AKIRIN2: variants seen among roughly 807,000 people sequenced by gnomAD.
AKIRIN2 encodes akirin-2.
A neutral mutation model predicts 29.3 loss-of-function variants in AKIRIN2; 6 were observed. The ratio of observed to expected loss-of-function variants is 0.20; its 90% CI spans 0.11 to 0.40. The LOEUF is 0.40. AKIRIN2 is among the 10% of genes least tolerant of loss of function. The pLI, the probability that AKIRIN2 is intolerant of heterozygous loss-of-function variation, is 1.00. For missense variants in AKIRIN2, 210 were observed against 276.1 expected, an observed-to-expected ratio of 0.76 and a Z score of 1.70; for synonymous variants, 128 against 117.5, an observed-to-expected ratio of 1.09 and a Z score of -0.58.
At chr6:87,689,249 C>T (rs1389300612) in intron 1 of AKIRIN2, among the ~76,000 whole-genome samples, 2 of 152,150 alleles carry the variant, frequency 1.3e-5, no homozygotes, top group Admixed American at 1.3e-4. Context: ...TGTCTATGAT[C>T]CCAGCACTTT....
At chr6:87,684,126 A>G (rs1771154696) in intron 1 of AKIRIN2, among the ~76,000 whole-genome samples, 1 of 152,158 alleles carries the variant, frequency 6.6e-6, no homozygotes, top group Admixed American at 6.5e-5. Flanking sequence ...CTTTTGTGTG[A>G]CTTATATACG....
chr6:87,685,006 C>T (rs1771166833), intron 1 of AKIRIN2, among the ~76,000 whole-genome samples: 1 of 152,184 alleles, frequency 6.6e-6, no homozygotes, highest in East Asian at 1.9e-4. Flanking sequence ...TATTACAGCT[C>T]CAGCTGTTCC....
chr6:87,701,653 A>C lies in AKIRIN2; in HGVS notation c.32T>G (p.Leu11Arg). 6.8e-7 allele frequency: 1 copy of C among 1,470,188 alleles called. No homozygotes were observed. Among genetic ancestry groups the C allele is most frequent in the Non-Finnish European group, 9.0e-7 (1 of 1,115,082 alleles). 91.1% of individuals were successfully genotyped at this position (1,470,188 alleles called of 1,614,324 possible). Residue 11 changes from leucine to arginine, a missense_variant, in exon 1 of 5, where the codon CTG becomes CGG. Leu to Arg is a moderately radical substitution (Grantham distance 102). Around this residue, in one of 2 missense-constraint regions of AKIRIN2, gnomAD observed 199 missense variants for 236.5 expected, o/e 0.84. Coordinates refer to ENST00000257787, the MANE Select transcript of AKIRIN2 (RefSeq NM_018064.4). ...CGGGCTCAACAGCGGGTCGAAATCCAGAGTCCTTTTCAGAGTGGCTCCGCA... is the reference window on the plus strand; with the variant it reads ...CGGGCTCAACAGCGGGTCGAAATCCCGAGTCCTTTTCAGAGTGGCTCCGCA... MACGATLKRT[L>R]DFDPLLSPAS...
Position 87,677,984 on chromosome 6 carries a change from C to A in AKIRIN2, c.380-17G>T. 1.3e-6 allele frequency: 2 copies of A among 1,596,522 alleles called. No individual in the cohort carries two copies. The highest frequency in any genetic ancestry group is 1.7e-5 in the Admixed American group (1 of 57,414). ...ATGAAGTCCCTATGTACAATGAGGA[C>A]AAAAAATAGCACCTGGTTTAGAGCC... is the stretch of plus-strand genomic sequence containing the variant. On this transcript the variant is annotated splice_polypyrimidine_tract_variant and intron_variant, in intron 2 of 4. Transcript: ENST00000257787.
intron 1 of AKIRIN2, among the ~76,000 whole-genome samples, chr6:87,687,352 G>A (rs1171547004): frequency 6.9e-6 from 1 of 144,448 alleles, no homozygotes; most frequent in East Asian, 2.1e-4. Context: ...AGACCAGCCT[G>A]ACCAACTCCA....
At chr6:87,676,596 A>AACACACACACACACACACACACACACAC (rs112353955) in intron 3 of AKIRIN2, among the ~76,000 whole-genome samples, 17 of 142,144 alleles carry the variant, frequency 1.2e-4, no homozygotes, top group East Asian at 1.0e-3. Flanking sequence ...CTCTACTAAA[A>AACACACACACACACACACACACACACAC]ACACACACAC....
chr6:87,697,353 A>C (rs1354815137), intron 1 of AKIRIN2, among the ~76,000 whole-genome samples: 1 of 152,078 alleles, frequency 6.6e-6, no homozygotes, highest in East Asian at 1.9e-4. Flanking sequence ...ATACAACTGC[A>C]GTTTTTAATG....
In AKIRIN2 at chr6:87,701,946, G is replaced by C. The variant is rs1296100642; in HGVS notation, c.-262C>G. On this transcript the variant is annotated 5_prime_UTR_variant, in exon 1 of 5. Transcript: ENST00000257787. ...AGAAGCACACGCCAGTCGCGTCAGG[G>C]GGGTTCTTCCGCCTCCTCAGGCGCG... The C allele has an allele frequency of 2.5e-5, 10 of 405,208 alleles. No individual in the cohort carries two copies. Among genetic ancestry groups the C allele is most frequent in the Non-Finnish European group, 3.9e-5 (9 of 229,478 alleles). 25.1% of individuals were successfully genotyped at this position (405,208 alleles called of 1,614,324 possible).
chr6:87,701,691 G>T lies in AKIRIN2; in HGVS notation c.-7C>A. On this transcript the variant is annotated 5_prime_UTR_variant, in exon 1 of 5. Coordinates refer to ENST00000257787, the MANE Select transcript of AKIRIN2 (RefSeq NM_018064.4). ...GAGTGGCTCCGCACGCCATGGCCGG[G>T]GGCAGCTGAGGCGCCGGGCTCGGGT... The T allele has an allele frequency of 6.9e-7, 1 of 1,444,064 alleles. No individual in the cohort carries two copies. The highest frequency in any genetic ancestry group is 9.1e-7 in the Non-Finnish European group (1 of 1,101,176). The allele number at this position is 1,444,064 out of a possible 1,614,324, so 89.5% of individuals were successfully genotyped here.
intron 3 of AKIRIN2, 152 bp downstream of exon 3, chr6:87,677,666 A>G (rs1249757739): frequency 3.5e-5 from 31 of 893,240 alleles, no homozygotes; most frequent in Non-Finnish European, 4.6e-5. Flanking sequence ...GGCATGAGCT[A>G]TAAGAAGGTT....
chr6:87,691,509 C>T (rs976071774), intron 1 of AKIRIN2, among the ~76,000 whole-genome samples: 11 of 146,254 alleles, frequency 7.5e-5, no homozygotes, highest in Admixed American at 6.2e-4. Context: ...ACTGTCTGAA[C>T]CAACTGAAGA....
rs1771474605 is a variant in AKIRIN2 at position 87,701,894 on chromosome 6, G to C, written c.-210C>G. 2.4e-6 allele frequency: 1 copy of C among 419,616 alleles called. No homozygotes were observed. Among genetic ancestry groups the C allele is most frequent in the Admixed American group, 4.3e-5 (1 of 23,052 alleles). 26.0% of individuals were successfully genotyped at this position (419,616 alleles called of 1,614,324 possible). A position where few individuals can be genotyped will look rare whatever the true frequency, so the allele number is the denominator to read the frequency against. The stretch of plus-strand genomic sequence containing the variant: ...GGGGCAGTGGCCAGGGACGGCCCGG[G>C]TGAGAGCGGGAGGGGCGGTGGCGGG... On this transcript the variant is annotated 5_prime_UTR_variant, in exon 1 of 5. Coordinates refer to ENST00000257787, the MANE Select transcript of AKIRIN2 (RefSeq NM_018064.4).
chr6:87,699,452 TTG>T (rs146777796), intron 1 of AKIRIN2, among the ~76,000 whole-genome samples: 141,301 of 152,146 alleles, frequency 0.93, 65,774 homozygotes, highest in East Asian at 1. Context: ...TCAAATTAGT[TTG>T]GAAATAACTT....
chr6:87,681,854 C>A, intron 1 of AKIRIN2, 91 bp from the exon 2 acceptor site: 1 of 1,045,094 alleles, frequency 9.6e-7, no homozygotes, highest in Non-Finnish European at 1.3e-6. Flanking sequence ...GACCAATCTA[C>A]CCAAAATACT....
chr6:87,691,308 A>T (rs887573408), intron 1 of AKIRIN2, among the ~76,000 whole-genome samples: 42 of 151,528 alleles, frequency 2.8e-4, no homozygotes, highest in African/African-American at 1.0e-3. Context: ...GGGCATGGTG[A>T]TACACATCTG....
At chr6:87,695,013 TAACA>T (rs1301120121) in intron 1 of AKIRIN2, among the ~76,000 whole-genome samples, 2 of 152,222 alleles carry the variant, frequency 1.3e-5, no homozygotes, top group African/African-American at 2.4e-5. Flanking sequence ...AAACTTGCTA[TAACA>T]AATAATTCAA....
rs545257170 is a variant in AKIRIN2, at chr6:87,683,292, T to C, written c.236-1529A>G. ...TGTACATAAACAGGTCTATAATGAT[T>C]AATTTCAGGATGGTTATGTCGGGGT... On this transcript the variant is annotated intron_variant, in intron 1 of 4. Coordinates refer to ENST00000257787, the MANE Select transcript of AKIRIN2 (RefSeq NM_018064.4). 3.3e-5 allele frequency among the ~76,000 whole-genome samples: 5 copies of C among 152,354 alleles called. No homozygotes were observed. The South Asian group carries it at 1.0e-3, about 32-fold the overall frequency.
chr6:87,694,211 C>T (rs1359084473), intron 1 of AKIRIN2, among the ~76,000 whole-genome samples: 1 of 152,112 alleles, frequency 6.6e-6, no homozygotes, highest in Non-Finnish European at 1.5e-5. Flanking sequence ...AGTGAGAATA[C>T]ACATCATATA....
intron 4 of AKIRIN2, 44 bp downstream of exon 4, chr6:87,675,816 A>C: frequency 6.4e-7 from 1 of 1,556,514 alleles, no homozygotes; most frequent in South Asian, 1.1e-5. Flanking sequence ...TCCTTAAAAG[A>C]CAGTCTTATT....
Sources: allele counts gnomAD v4.1 joint callset (sites outside exome capture counted in the v4.1 genomes callset), GRCh38; gene constraint gnomAD v4.1.1; regional missense constraint gnomAD v4.1.1; transcripts MANE v1.5; gene names NCBI Gene and HGNC (gene_info 2026-07-23, HGNC 2026-07-21).